Variants in AMPH observed in about 807,000 individuals in gnomAD.
AMPH encodes amphiphysin, also known as amphiphysin (Stiff-Mann syndrome with breast cancer 128kD autoantigen).
AMPH carries 49 observed loss-of-function variants against 99.1 expected under a neutral mutation model. The observed-to-expected ratio is 0.49, with a 90% CI of 0.39 to 0.63. The LOEUF (loss-of-function observed/expected upper bound fraction) is 0.63, where lower values mean the gene tolerates loss of function less well. AMPH is among the 20% of genes least tolerant of loss of function. AMPH has a pLI of 0.00. For synonymous variants in AMPH, 314 were observed against 317.3 expected, an observed-to-expected ratio of 0.99 and a Z score of 0.11; for missense variants, 759 against 863.4, an observed-to-expected ratio of 0.88 and a Z score of 1.52.
intron 14 of AMPH, chr7:38,428,320 T>A (rs759815731): frequency 5.5e-5 from 25 of 456,650 alleles, no homozygotes; most frequent in African/African-American, 5.0e-4. Context: ...ACAGTATGAC[T>A]ACGGTTCTCA....
intron 1 of AMPH, among the ~76,000 whole-genome samples, chr7:38,593,206 T>C (rs144083801): frequency 2.0e-5 from 3 of 152,288 alleles, no homozygotes; most frequent in East Asian, 3.9e-4. Context: ...ATCTTAACAA[T>C]AGGGTAAACA....
chr7:38,523,355 T>C (rs1790047035), intron 2 of AMPH, among the ~76,000 whole-genome samples: 1 of 151,996 alleles, frequency 6.6e-6, no homozygotes, highest in Admixed American at 6.6e-5. Flanking sequence ...TAAATCCCAG[T>C]CTCCACCAAA....
At chr7:38,398,634 C>T (rs1185226689) in intron 17 of AMPH, among the ~76,000 whole-genome samples, 2 of 152,068 alleles carry the variant, frequency 1.3e-5, no homozygotes, top group Non-Finnish European at 2.9e-5. Context: ...ATAACACAAA[C>T]AGGGTGACTA....
intron 14 of AMPH, chr7:38,428,801 C>T (rs1274833372): frequency 4.3e-6 from 2 of 462,970 alleles, no homozygotes. Flanking sequence ...GTTCTTTTGC[C>T]ATATCTCCTC....
intron 1 of AMPH, among the ~76,000 whole-genome samples, chr7:38,612,042 T>C (rs914126907): frequency 2.0e-5 from 3 of 151,818 alleles, no homozygotes; most frequent in Non-Finnish European, 4.4e-5. Flanking sequence ...AGCTCTAACA[T>C]TCTAAGTTCA....
chr7:38,394,053 T>G lies in AMPH; in HGVS notation c.1560A>C (p.Ala520=). The G allele has an allele frequency of 6.2e-7, 1 of 1,614,226 alleles. No individual in the cohort carries two copies. The highest frequency in any genetic ancestry group is 8.5e-7 in the Non-Finnish European group (1 of 1,180,036). The change falls in exon 18 of 21, where the codon GCA becomes GCC. Residue 520 remains alanine (A), a synonymous_variant. Transcript: ENST00000356264. ...CCTCTGCTTCAGGTTGGGCACTCTC[T>G]GCACCCTCAGTGGTTTCAGTTCCAA... ...AKIGTETTEG[A]ESAQPEAEEL...
intron 11 of AMPH, among the ~76,000 whole-genome samples, chr7:38,444,549 A>T (rs769496509): frequency 2.0e-5 from 3 of 152,074 alleles, no homozygotes; most frequent in Non-Finnish European, 2.9e-5. Context: ...TACTGGAGTG[A>T]TGTATCTGCA....
chr7:38,501,766 CAAATAAATAAAT>C (rs3056240), intron 3 of AMPH, among the ~76,000 whole-genome samples: 22 of 148,152 alleles, frequency 1.5e-4, no homozygotes, highest in East Asian at 7.9e-4. Context: ...AAAAGCATAC[CAAATAAATAAAT>C]AAATAAATAA....
intron 1 of AMPH, among the ~76,000 whole-genome samples, chr7:38,537,643 C>A (rs1161900779): frequency 6.6e-6 from 1 of 152,166 alleles, no homozygotes; most frequent in East Asian, 1.9e-4. Context: ...TGGGTGGTTT[C>A]CACCCTTAAG....
At chr7:38,515,790 A>T (rs1256711798) in intron 2 of AMPH, among the ~76,000 whole-genome samples, 1 of 152,214 alleles carries the variant, frequency 6.6e-6, no homozygotes, top group Non-Finnish European at 1.5e-5. Flanking sequence ...GTTGTAACCA[A>T]AATTCTGATA....
intron 1 of AMPH, among the ~76,000 whole-genome samples, chr7:38,593,169 C>T (rs1410339200): frequency 6.6e-6 from 1 of 152,138 alleles, no homozygotes; most frequent in Non-Finnish European, 1.5e-5. Context: ...AAATGAAAGG[C>T]TTTTTATAGG....
chr7:38,595,438 G>A (rs1324635007), intron 1 of AMPH, among the ~76,000 whole-genome samples: 1 of 152,198 alleles, frequency 6.6e-6, no homozygotes, highest in Non-Finnish European at 1.5e-5. Flanking sequence ...TTCTCTCATA[G>A]ATAAAGGGTA....
chr7:38,575,378 A>G (rs1792200626), intron 1 of AMPH, among the ~76,000 whole-genome samples: 2 of 152,192 alleles, frequency 1.3e-5, no homozygotes. Context: ...TTCTAAGGGA[A>G]GTCTCCAAAG....
rs78890090 is a variant in AMPH, at chr7:38,592,924, C to T, written c.69+38359G>A. Reference sequence around the variant, plus strand: ...AACCTGCGGCATATTCTAGCCCCAACTGCTGTTAAAGCTGGGGCTCTGTTA... The same window carrying T: ...AACCTGCGGCATATTCTAGCCCCAATTGCTGTTAAAGCTGGGGCTCTGTTA... On this transcript the variant is annotated intron_variant, in intron 1 of 20. Coordinates refer to ENST00000356264, the MANE Select transcript of AMPH (RefSeq NM_001635.4). Among the ~76,000 whole-genome samples, 558 of 152,296 alleles carry T rather than the reference C, an allele frequency of 3.7e-3. 4 individuals are homozygous for T. The highest frequency in any genetic ancestry group is 0.013 in the African/African-American group (540 of 41,556).
At chr7:38,426,132 GA>G (rs1350339028) in intron 15 of AMPH, among the ~76,000 whole-genome samples, 1 of 152,122 alleles carries the variant, frequency 6.6e-6, no homozygotes, top group East Asian at 1.9e-4. Context: ...AATATATTAT[GA>G]ATATATATTT....
intron 17 of AMPH, among the ~76,000 whole-genome samples, chr7:38,409,195 C>G (rs1406188860): frequency 6.6e-6 from 1 of 152,194 alleles, no homozygotes; most frequent in Non-Finnish European, 1.5e-5. Flanking sequence ...AGAATAAATA[C>G]AGCGGGAATT....
At chr7:38,386,316 C>A (rs1377639867) in intron 20 of AMPH, among the ~76,000 whole-genome samples, 1 of 152,132 alleles carries the variant, frequency 6.6e-6, no homozygotes, top group African/African-American at 2.4e-5. Flanking sequence ...TTTTCCCCCA[C>A]AAGTGTCTAT....
At chr7:38,544,659 A>C (rs1326518337) in intron 1 of AMPH, among the ~76,000 whole-genome samples, 2 of 152,226 alleles carry the variant, frequency 1.3e-5, no homozygotes, top group African/African-American at 4.8e-5. Context: ...TCACTTGATC[A>C]CTTTTGAGAG....
chr7:38,526,555 C>T (rs1034504980), intron 2 of AMPH, among the ~76,000 whole-genome samples: 5 of 149,578 alleles, frequency 3.3e-5, no homozygotes, highest in African/African-American at 4.9e-5. Context: ...GGATTACAGG[C>T]GTGAGCCACT....
Sources: allele counts gnomAD v4.1 joint callset (sites outside exome capture counted in the v4.1 genomes callset), GRCh38; gene constraint gnomAD v4.1.1; transcripts MANE v1.5; gene names NCBI Gene and HGNC (gene_info 2026-07-23, HGNC 2026-07-21).